OTOGL: variants seen among roughly 807,000 people sequenced by gnomAD.
OTOGL encodes the protein otogelin-like protein.
In OTOGL, 285 loss-of-function variants were observed where a neutral mutation model predicts 318.5. The ratio of observed to expected loss-of-function variants is 0.89; its 90% CI spans 0.81 to 0.99. The LOEUF is 0.99. Ranked by LOEUF, OTOGL falls within the 50% of genes least tolerant of loss-of-function variation. OTOGL has a pLI of 0.00. For synonymous variants in OTOGL, 987 were observed against 936.5 expected (o/e 1.05, Z -0.99); for missense variants, 2,899 against 2,845.6 (o/e 1.02, Z -0.43).
chr12:80,369,789 C>T (rs1052932515), intron 55 of OTOGL, among the ~76,000 whole-genome samples: 9 of 151,898 alleles, frequency 5.9e-5, no homozygotes, highest in African/African-American at 1.4e-4. Flanking sequence ...CATGGCCAAC[C>T]GTCTTGAAAT....
At chr12:80,343,008 A>T (rs1470667020) in intron 44 of OTOGL, among the ~76,000 whole-genome samples, 1 of 152,020 alleles carries the variant, frequency 6.6e-6, no homozygotes, top group East Asian at 1.9e-4. Flanking sequence ...CAGCCTCCCG[A>T]GTAGCTGGGA....
At chr12:80,275,425 G>C (rs887394039) in intron 24 of OTOGL, among the ~76,000 whole-genome samples, 4 of 151,930 alleles carry the variant, frequency 2.6e-5, no homozygotes, top group Non-Finnish European at 5.9e-5. Context: ...GATAAAACTT[G>C]AATGGACGAG....
intron 26 of OTOGL, among the ~76,000 whole-genome samples, chr12:80,293,213 A>G (rs1885163107): frequency 6.6e-6 from 1 of 152,180 alleles, no homozygotes; most frequent in Non-Finnish European, 1.5e-5. Flanking sequence ...TTCTTGCCGT[A>G]TACTCAAAAG....
chr12:80,281,047 G>A (rs891081642), intron 26 of OTOGL, among the ~76,000 whole-genome samples: 4 of 151,770 alleles, frequency 2.6e-5, no homozygotes, highest in African/African-American at 4.8e-5. Flanking sequence ...CATTGGTTTT[G>A]TATCCTGAAA....
intron 31 of OTOGL, among the ~76,000 whole-genome samples, chr12:80,313,928 G>A (rs1158790610): frequency 6.6e-6 from 1 of 151,768 alleles, no homozygotes; most frequent in African/African-American, 2.4e-5. Context: ...TTTCTTTTAT[G>A]CCTATGAAGT....
At chr12:80,249,736 G>C (rs1881315522) in intron 11 of OTOGL, among the ~76,000 whole-genome samples, 1 of 152,168 alleles carries the variant, frequency 6.6e-6, no homozygotes. Context: ...AAGGAAGCCT[G>C]GGCGATGGCG....
At chr12:80,105,788 C>T (rs1168515850) in intron 1 of OTOGL, among the ~76,000 whole-genome samples, 2 of 152,132 alleles carry the variant, frequency 1.3e-5, no homozygotes, top group Non-Finnish European at 2.9e-5. Flanking sequence ...GGCATGACTA[C>T]ATTTAAATAA....
intron 57 of OTOGL, among the ~76,000 whole-genome samples, chr12:80,372,690 A>ATTTTTTTTTTTTTTTTTTTTT (rs112869179): frequency 6.7e-6 from 1 of 149,020 alleles, no homozygotes. Flanking sequence ...TTTCATAGTA[A>ATTTTTTTTTTTTTTTTTTTTT]TTGTTTTTTT....
At chr12:80,215,618 C>T (rs1263601249) in intron 4 of OTOGL, among the ~76,000 whole-genome samples, 6 of 151,966 alleles carry the variant, frequency 3.9e-5, no homozygotes, top group East Asian at 1.9e-4. Flanking sequence ...TTGTTCAAGG[C>T]GATAGGCCCT....
chr12:80,155,330 G>A (rs1873044917), intron 1 of OTOGL, among the ~76,000 whole-genome samples: 1 of 152,190 alleles, frequency 6.6e-6, no homozygotes, highest in East Asian at 1.9e-4. Flanking sequence ...TGCCTTTGAT[G>A]TTGTATCTAA....
At chr12:80,194,849 T>C (rs1046032414) in intron 1 of OTOGL, among the ~76,000 whole-genome samples, 1 of 152,196 alleles carries the variant, frequency 6.6e-6, no homozygotes, top group Non-Finnish European at 1.5e-5. Context: ...ACTGGAAACA[T>C]TGTACAAGCC....
chr12:80,103,970 A>C (rs1357653146), intron 1 of OTOGL, among the ~76,000 whole-genome samples: 1 of 152,234 alleles, frequency 6.6e-6, no homozygotes, highest in African/African-American at 2.4e-5. Flanking sequence ...AATTTATTTC[A>C]TACAGAAAAT....
At chr12:80,250,156 G>A (rs1308431000) in intron 11 of OTOGL, among the ~76,000 whole-genome samples, 7 of 152,126 alleles carry the variant, frequency 4.6e-5, no homozygotes, top group Admixed American at 4.6e-4. Flanking sequence ...CTGTAGACCG[G>A]AGCTGTTCCT....
chr12:80,104,518 G>T (rs1266773049), intron 1 of OTOGL, among the ~76,000 whole-genome samples: 2 of 152,100 alleles, frequency 1.3e-5, no homozygotes, highest in Non-Finnish European at 2.9e-5. Context: ...CTAGTGCCAA[G>T]GATACACTTA....
chr12:80,295,231 C>T (rs1438220234), intron 26 of OTOGL, among the ~76,000 whole-genome samples: 1 of 134,566 alleles, frequency 7.4e-6, no homozygotes, highest in East Asian at 2.1e-4. Context: ...TGCTGGAGTG[C>T]AGTGGCGTGG....
chr12:80,288,194 A>G (rs548346045), intron 26 of OTOGL, among the ~76,000 whole-genome samples: 1 of 152,226 alleles, frequency 6.6e-6, no homozygotes, highest in Admixed American at 6.5e-5. Flanking sequence ...TGGATTGAAA[A>G]TTCTTTTCTT....
intron 26 of OTOGL, among the ~76,000 whole-genome samples, chr12:80,281,800 G>T (rs1884255368): frequency 6.6e-6 from 1 of 151,814 alleles, no homozygotes; most frequent in African/African-American, 2.4e-5. Flanking sequence ...TGTGAAAGAA[G>T]TTCTGAGGAT....
chr12:80,366,511 T>TTATATATATATA (rs35874282), intron 52 of OTOGL, 63 bp from the exon 53 acceptor site: 29,614 of 174,958 alleles, frequency 0.17, 2,596 homozygotes, highest in East Asian at 0.25. Flanking sequence ...TATATATAGG[T>TTATATATATATA]TATATATATA....
chr12:80,326,853 C>G (rs1887706097), intron 35 of OTOGL, among the ~76,000 whole-genome samples: 1 of 152,118 alleles, frequency 6.6e-6, no homozygotes, highest in African/African-American at 2.4e-5. Context: ...AAAGTGTTGC[C>G]TGGATTTGCC....
Sources: gnomAD v4.1 joint callset for allele counts (sites outside exome capture counted in the v4.1 genomes callset) on GRCh38, gnomAD v4.1.1 for gene constraint, MANE v1.5 for transcripts, NCBI Gene and HGNC (gene_info 2026-07-23, HGNC 2026-07-21) for gene names.